Variants in ARB2A observed in about 807,000 individuals in gnomAD.
ARB2A encodes cotranscriptional regulator ARB2A.
At chr5:93,849,511 TTC>T in the ARB2A span, among the ~76,000 whole-genome samples, 2 of 152,090 alleles carry the variant, frequency 1.3e-5, no homozygotes, top group African/African-American at 2.4e-5. Context: ...TTGATGAATA[TTC>T]TGTTTAAACC....
chr5:93,786,938 G>T, the ARB2A span, among the ~76,000 whole-genome samples: 1 of 152,092 alleles, frequency 6.6e-6, no homozygotes, highest in African/African-American at 2.4e-5. Context: ...CTATAATATG[G>T]TCTATAACAG....
the ARB2A span, among the ~76,000 whole-genome samples, chr5:93,871,066 A>G: frequency 1.3e-5 from 2 of 152,246 alleles, no homozygotes. Flanking sequence ...TAAGCCTGAC[A>G]ATCCCATTCA....
chr5:93,808,566 C>T, the ARB2A span, among the ~76,000 whole-genome samples: 1 of 151,866 alleles, frequency 6.6e-6, no homozygotes, highest in Admixed American at 6.6e-5. Flanking sequence ...TGTATTGATA[C>T]AGGAACAGTT....
chr5:93,965,211 G>T, the ARB2A span, among the ~76,000 whole-genome samples: 1 of 152,008 alleles, frequency 6.6e-6, no homozygotes, highest in Non-Finnish European at 1.5e-5. Context: ...TCAGAGAGAT[G>T]CAAAGTGACT....
At chr5:94,048,687 G>A in the ARB2A span, among the ~76,000 whole-genome samples, 1 of 152,150 alleles carries the variant, frequency 6.6e-6, no homozygotes, top group South Asian at 2.1e-4. Flanking sequence ...CACAGCTGAC[G>A]AACCTCAAAC....
At chr5:93,732,748 G>C in the ARB2A span, among the ~76,000 whole-genome samples, 282 of 152,140 alleles carry the variant, frequency 1.9e-3, no homozygotes, top group Middle Eastern at 3.4e-3. Context: ...TTTGTAAAGA[G>C]AAATTACTAC....
chr5:93,824,312 A>T, the ARB2A span: 1 of 1,378,912 alleles, frequency 7.3e-7, no homozygotes, highest in Middle Eastern at 1.9e-4. Context: ...ATACCTAATT[A>T]TTATCATAGC....
the ARB2A span, among the ~76,000 whole-genome samples, chr5:94,016,512 T>C: frequency 3.3e-5 from 5 of 152,202 alleles, no homozygotes; most frequent in African/African-American, 1.2e-4. Context: ...AAGGCTATCA[T>C]AAAGTTTTTT....
the ARB2A span, among the ~76,000 whole-genome samples, chr5:93,883,592 T>C: frequency 1.3e-5 from 2 of 151,588 alleles, no homozygotes; most frequent in Non-Finnish European, 3.0e-5. Flanking sequence ...TGACTAGTTA[T>C]TAAAATCACA....
chr5:94,077,956 T>C, the ARB2A span, among the ~76,000 whole-genome samples: 2 of 152,230 alleles, frequency 1.3e-5, no homozygotes, highest in African/African-American at 2.4e-5. Context: ...TATAAAGCTA[T>C]AAATAACTTG....
At chr5:94,039,834 C>T in the ARB2A span, among the ~76,000 whole-genome samples, 2 of 152,088 alleles carry the variant, frequency 1.3e-5, no homozygotes, top group Admixed American at 6.5e-5. Flanking sequence ...TAACATCTTT[C>T]TGGCAAACCC....
chr5:93,960,105 C>T, the ARB2A span, among the ~76,000 whole-genome samples: 1 of 131,686 alleles, frequency 7.6e-6, no homozygotes, highest in East Asian at 2.2e-4. Flanking sequence ...CAAAAAAAGC[C>T]CTGGATTCTA....
At chr5:94,015,932 G>A in the ARB2A span, among the ~76,000 whole-genome samples, 1 of 152,174 alleles carries the variant, frequency 6.6e-6, no homozygotes, top group Non-Finnish European at 1.5e-5. Context: ...AATGGCAGTA[G>A]TAAGTGAATA....
At chr5:93,642,634 A>C in the ARB2A span, among the ~76,000 whole-genome samples, 1 of 152,126 alleles carries the variant, frequency 6.6e-6, no homozygotes, top group Admixed American at 6.5e-5. Flanking sequence ...TTGGGATCCC[A>C]AAGTGCTGGG....
the ARB2A span, among the ~76,000 whole-genome samples, chr5:93,928,934 G>A: frequency 6.6e-6 from 1 of 151,682 alleles, no homozygotes; most frequent in Non-Finnish European, 1.5e-5. Context: ...GTATTAAATT[G>A]GAAAGTCTGT....
the ARB2A span, chr5:93,736,143 G>A: frequency 1.3e-5 from 2 of 151,936 alleles, no homozygotes; most frequent in East Asian, 1.9e-4. Context: ...TGATATATAC[G>A]GTTCATTTAC....
chr5:93,959,515 A>G, the ARB2A span, among the ~76,000 whole-genome samples: 1 of 152,128 alleles, frequency 6.6e-6, no homozygotes, highest in African/African-American at 2.4e-5. Flanking sequence ...GTATTGGAAA[A>G]TCATATATCA....
chr5:93,718,411 T>C, the ARB2A span, among the ~76,000 whole-genome samples: 3 of 151,876 alleles, frequency 2.0e-5, no homozygotes, highest in East Asian at 5.8e-4. Context: ...TGCTCCAGCC[T>C]GGGCAATGGA....
chr5:94,081,791 GTCTC>G, the ARB2A span, among the ~76,000 whole-genome samples: 2 of 151,860 alleles, frequency 1.3e-5, no homozygotes, highest in African/African-American at 4.8e-5. Flanking sequence ...TTGGGGTAGT[GTCTC>G]TATGTATTAA....
Sources: allele counts gnomAD v4.1 joint callset (sites outside exome capture counted in the v4.1 genomes callset), GRCh38; gene constraint gnomAD v4.1.1; transcripts MANE v1.5; gene names NCBI Gene and HGNC (gene_info 2026-07-23, HGNC 2026-07-21).